SMOC2: variants seen among roughly 807,000 people sequenced by gnomAD.
SMOC2 encodes the protein SPARC-related modular calcium-binding protein 2.
Under a neutral mutation model 61.4 loss-of-function variants are expected in SMOC2, and 39 were observed. That is an observed-to-expected ratio of 0.64 (90% CI 0.49 to 0.83). SMOC2 has a LOEUF of 0.83. Ranked by LOEUF, SMOC2 falls within the 40% of genes least tolerant of loss-of-function variation. The pLI is 0.00. For missense variants in SMOC2, 556 were observed against 592.9 expected (o/e 0.94, Z 0.65); for synonymous variants, 247 against 239.9 (o/e 1.03, Z -0.27).
At position 168,534,276 on chromosome 6, in the gene SMOC2, C is replaced by T. The variant is rs9456171; in HGVS notation, c.463+6549C>T. On this transcript the variant is annotated intron_variant, in intron 4 of 12. Coordinates refer to ENST00000356284, the MANE Select transcript of SMOC2 (RefSeq NM_001166412.2). ...GCCAACACAGGATTTGTAAAATTTT[C>T]AATAAAAGATTCAGATTGAATTCTG... Among the ~76,000 whole-genome samples, 498 of 152,096 alleles carry T rather than the reference C, an allele frequency of 3.3e-3. 6 individuals are homozygous for T. The highest frequency in any genetic ancestry group is 0.028 in the South Asian group (135 of 4,824).
intron 2 of SMOC2, among the ~76,000 whole-genome samples, chr6:168,525,712 T>C (rs1051445444): frequency 6.6e-6 from 1 of 152,000 alleles, no homozygotes; most frequent in East Asian, 1.9e-4. Flanking sequence ...CACCTGACAG[T>C]CAGATTTCCA....
chr6:168,534,496 T>G (rs570018230), intron 4 of SMOC2, among the ~76,000 whole-genome samples: 2 of 152,252 alleles, frequency 1.3e-5, no homozygotes, highest in African/African-American at 4.8e-5. Context: ...CCCTGGGTGA[T>G]GACTCCAGAG....
At chr6:168,518,622 T>A (rs1193675826) in intron 2 of SMOC2, among the ~76,000 whole-genome samples, 1 of 39,756 alleles carries the variant, frequency 2.5e-5, no homozygotes, top group Non-Finnish European at 1.0e-4. Context: ...CATGTATGAC[T>A]GAGTGCATGT....
intron 7 of SMOC2, among the ~76,000 whole-genome samples, chr6:168,570,164 G>C (rs929895799): frequency 6.6e-6 from 1 of 152,130 alleles, no homozygotes. Flanking sequence ...CTCAGCTCTG[G>C]AACTGGGTTA....
intron 12 of SMOC2, 158 bp downstream of exon 12, chr6:168,664,269 G>A: frequency 1.4e-6 from 1 of 695,526 alleles, no homozygotes; most frequent in Non-Finnish European, 2.5e-6. Flanking sequence ...CACCCTATGG[G>A]GACTAAAGCA....
At chr6:168,531,741 CTCTTTT>C (rs1583085984) in intron 4 of SMOC2, among the ~76,000 whole-genome samples, 2 of 152,258 alleles carry the variant, frequency 1.3e-5, no homozygotes, top group East Asian at 3.8e-4. Context: ...GTTAAACCTA[CTCTTTT>C]ACAGACGAGA....
At chr6:168,581,467 G>A (rs1784916320) in intron 7 of SMOC2, among the ~76,000 whole-genome samples, 1 of 152,184 alleles carries the variant, frequency 6.6e-6, no homozygotes, top group Admixed American at 6.5e-5. Flanking sequence ...GCCACCTGCA[G>A]CTTCAGAAGC....
rs1411266780 is a variant in SMOC2 at position 168,574,261 on chromosome 6, G to T, written c.638-24557G>T. Among the ~76,000 whole-genome samples the T allele has an allele frequency of 2.0e-5, 3 of 152,218 alleles. No individual in the cohort carries two copies. The East Asian group carries it at 5.8e-4, about 29-fold the overall frequency. On this transcript the variant is annotated intron_variant, in intron 7 of 12. Transcript: ENST00000356284. ...AGGCCCTGAGCATGCTCATGGGCAGGGCGGGTAGGTCGAAGGCTGCTCCAG... is the reference window on the plus strand; with the variant it reads ...AGGCCCTGAGCATGCTCATGGGCAGTGCGGGTAGGTCGAAGGCTGCTCCAG...
intron 10 of SMOC2, 142 bp from the exon 11 acceptor site, chr6:168,652,812 T>C (rs1444961186): frequency 4.6e-6 from 3 of 657,194 alleles, no homozygotes; most frequent in Non-Finnish European, 7.8e-6. Context: ...TAAATTGTTA[T>C]ATCTGATGAC....
intron 9 of SMOC2, among the ~76,000 whole-genome samples, chr6:168,611,261 CCGGGACCCACCG>C (rs2115209088): frequency 7.8e-6 from 1 of 129,004 alleles, no homozygotes; most frequent in South Asian, 2.9e-4. Context: ...GTTCCCATGT[CCGGGACCCACCG>C]TGGCTCCCGT....
At chr6:168,603,337 GGT>G (rs1372931168) in intron 8 of SMOC2, among the ~76,000 whole-genome samples, 1 of 150,992 alleles carries the variant, frequency 6.6e-6, no homozygotes, top group Non-Finnish European at 1.5e-5. Flanking sequence ...GTGTCATAGG[GGT>G]GGGGCAGATG....
At chr6:168,620,547 C>T (rs926549891) in intron 9 of SMOC2, among the ~76,000 whole-genome samples, 4 of 152,046 alleles carry the variant, frequency 2.6e-5, no homozygotes, top group African/African-American at 9.7e-5. Flanking sequence ...GAAAATTTTC[C>T]CTATGTCTAA....
At chr6:168,528,977 C>T (rs1171518106) in intron 4 of SMOC2, among the ~76,000 whole-genome samples, 4 of 152,094 alleles carry the variant, frequency 2.6e-5, no homozygotes, top group Non-Finnish European at 2.9e-5. Flanking sequence ...CCTTGTTTTA[C>T]GAAGGGGAAA....
chr6:168,496,561 C>T (rs747626530), intron 1 of SMOC2, among the ~76,000 whole-genome samples: 3 of 152,230 alleles, frequency 2.0e-5, no homozygotes, highest in Non-Finnish European at 4.4e-5. Flanking sequence ...GGACCAATCG[C>T]CTGTCGCCCC....
At chr6:168,537,661 C>T (rs574265679) in intron 4 of SMOC2, among the ~76,000 whole-genome samples, 2 of 152,358 alleles carry the variant, frequency 1.3e-5, no homozygotes, top group Admixed American at 1.3e-4. Flanking sequence ...CCTGGAGCCC[C>T]TAAGAACACA....
At chr6:168,664,769 A>G (rs767218904) in intron 12 of SMOC2, 2 of 471,112 alleles carry the variant, frequency 4.2e-6, no homozygotes, top group Non-Finnish European at 4.4e-6. Flanking sequence ...ACCCAAAGCC[A>G]CAACCCATCG....
intron 7 of SMOC2, among the ~76,000 whole-genome samples, chr6:168,582,324 A>G (rs9295070): frequency 0.54 from 81,855 of 151,870 alleles, 22,147 homozygotes; most frequent in South Asian, 0.61. Flanking sequence ...TTATAGCTGG[A>G]GATGTGTGAG....
intron 1 of SMOC2, among the ~76,000 whole-genome samples, chr6:168,465,977 C>G (rs1270831027): frequency 8.9e-5 from 10 of 112,888 alleles, no homozygotes; most frequent in African/African-American, 3.6e-4. Context: ...CTGGGGGGCT[C>G]TGGATGAAGC....
rs949387691 is a variant in SMOC2, at chr6:168,519,121, A to G, written c.257-7225A>G. Among the ~76,000 whole-genome samples the G allele has an allele frequency of 2.1e-4, 27 of 127,388 alleles. No homozygotes were observed. The East Asian group carries it at 5.8e-3, about 27-fold the overall frequency. The allele number at this position is 127,388 out of a possible 152,430, so 83.6% of individuals were successfully genotyped here. A position where few individuals can be genotyped will look rare whatever the true frequency, so the allele number is the denominator to read the frequency against. On this transcript the variant is annotated intron_variant, in intron 2 of 12. Coordinates refer to ENST00000356284, the MANE Select transcript of SMOC2 (RefSeq NM_001166412.2). The stretch of plus-strand genomic sequence containing the variant: ...TGCGTGTGTGAACGCGTGTGTATGC[A>G]TGCATGTGTATGTGTGCATGTGTGA...
Sources: gnomAD v4.1 joint callset for allele counts (sites outside exome capture counted in the v4.1 genomes callset) on GRCh38, gnomAD v4.1.1 for gene constraint, MANE v1.5 for transcripts, NCBI Gene and HGNC (gene_info 2026-07-23, HGNC 2026-07-21) for gene names.